Variants in CA8 observed in about 807,000 individuals in gnomAD.
CA8 encodes carbonic anhydrase 8 (inactive), also known as carbonic anhydrase-related protein.
A neutral mutation model predicts 41.4 loss-of-function variants in CA8; 22 were observed. The ratio of observed to expected loss-of-function variants is 0.53; its 90% CI spans 0.38 to 0.76. CA8 has a LOEUF of 0.76. CA8 is among the 30% of genes least tolerant of loss of function. The probability of loss-of-function intolerance (pLI) is 0.00; values close to 1 mark genes in which losing one functional copy is unlikely to be tolerated. For missense variants in CA8, 270 were observed against 352.8 expected (o/e 0.77, Z 1.88); for synonymous variants, 121 against 130.6 (o/e 0.93, Z 0.50).
At chr8:60,217,059 T>C (rs1197590546) in intron 7 of CA8, among the ~76,000 whole-genome samples, 2 of 152,020 alleles carry the variant, frequency 1.3e-5, no homozygotes, top group South Asian at 2.1e-4. Flanking sequence ...AATTTTTGTA[T>C]CTTTAGTAGA....
At chr8:60,265,876 T>C in intron 3 of CA8, 49 bp downstream of exon 3, 1 of 1,589,672 alleles carries the variant, frequency 6.3e-7, no homozygotes, top group Non-Finnish European at 8.6e-7. Flanking sequence ...AATCGCTGAA[T>C]ACTTTATTCA....
At chr8:60,253,348 T>A (rs80321949) in intron 3 of CA8, among the ~76,000 whole-genome samples, 1 of 151,090 alleles carries the variant, frequency 6.6e-6, no homozygotes, top group South Asian at 2.1e-4. Flanking sequence ...TCCAACTCCC[T>A]TTTTTTTCTA....
At chr8:60,244,894 G>C (rs1043900778) in intron 3 of CA8, among the ~76,000 whole-genome samples, 1 of 152,156 alleles carries the variant, frequency 6.6e-6, no homozygotes, top group Non-Finnish European at 1.5e-5. Context: ...ATAGGGGAAG[G>C]GGTACAGTGT....
In CA8 at chr8:60,226,915, G is replaced by T; in HGVS notation, c.534C>A (p.Gly178=). Residue 178 remains glycine, a synonymous_variant, in exon 5 of 9, where the codon GGC becomes GGA. Transcript: ENST00000317995. ...GGAGGATTTCAGTCACAGCCTTCAA[G>T]CCAACATGTTCCTTTCCTATCTGAA... is the stretch of plus-strand genomic sequence containing the variant. ...LFVQIGKEHV[G]LKAVTEILQD... 6.2e-7 allele frequency: 1 copy of T among 1,603,546 alleles called. No homozygotes were observed. The highest frequency in any genetic ancestry group is 8.5e-7 in the Non-Finnish European group (1 of 1,170,652).
At chr8:60,210,570 A>C (rs11998464) in intron 7 of CA8, among the ~76,000 whole-genome samples, 55,405 of 151,508 alleles carry the variant, frequency 0.37, 10,525 homozygotes, top group Admixed American at 0.44. Context: ...AATTAAACGG[A>C]TAGTTCAATT....
At chr8:60,213,907 A>G (rs1052974051) in intron 7 of CA8, among the ~76,000 whole-genome samples, 3 of 152,102 alleles carry the variant, frequency 2.0e-5, no homozygotes, top group African/African-American at 4.8e-5. Context: ...GCTGATCTCA[A>G]TTACATGTAA....
intron 8 of CA8, among the ~76,000 whole-genome samples, chr8:60,190,938 C>CTATA (rs35486936): frequency 4.3e-4 from 51 of 117,350 alleles, no homozygotes; most frequent in African/African-American, 1.2e-3. Flanking sequence ...CACACACACA[C>CTATA]TATATATATA....
At chr8:60,268,718 C>T (rs73247705) in intron 2 of CA8, among the ~76,000 whole-genome samples, 4,565 of 152,216 alleles carry the variant, frequency 0.03, 204 homozygotes, top group African/African-American at 0.1. Context: ...TTGATTTTGA[C>T]AAAACAGACA....
Position 60,267,338 on chromosome 8 carries a change from C to T in CA8, c.293-1289G>A, listed in dbSNP as rs563597031. Among the ~76,000 whole-genome samples, 13 of 152,298 alleles carry T rather than the reference C, an allele frequency of 8.5e-5. No individual in the cohort carries two copies. In the East Asian group the frequency reaches 2.3e-3, roughly 27 times the overall value. On this transcript the variant is annotated intron_variant, in intron 2 of 8. Coordinates refer to ENST00000317995, the MANE Select transcript of CA8 (RefSeq NM_004056.6). ...TTGATAAAGGTGCCCTACAAATCTA[C>T]TCCCAAGCTTTCTACCAGCTCAAAC...
At chr8:60,208,410 G>A in intron 8 of CA8, 1 of 311,264 alleles carries the variant, frequency 3.2e-6, no homozygotes, top group South Asian at 3.1e-5. Context: ...CATGACTGGT[G>A]CTGCTTCACG....
chr8:60,211,940 C>T (rs762208009), intron 7 of CA8, among the ~76,000 whole-genome samples: 3 of 152,184 alleles, frequency 2.0e-5, no homozygotes, highest in Non-Finnish European at 4.4e-5. Context: ...TAATGAAACT[C>T]AAATGTCAAG....
intron 7 of CA8, among the ~76,000 whole-genome samples, chr8:60,213,866 C>T (rs535255814): frequency 6.6e-6 from 1 of 152,114 alleles, no homozygotes; most frequent in African/African-American, 2.4e-5. Flanking sequence ...TCACACGCAC[C>T]TTCAGGACCT....
At chr8:60,213,995 C>T (rs1035472230) in intron 7 of CA8, among the ~76,000 whole-genome samples, 3 of 152,174 alleles carry the variant, frequency 2.0e-5, no homozygotes, top group African/African-American at 7.2e-5. Context: ...TCAGCAACTA[C>T]CCCAGACCTA....
intron 6 of CA8, among the ~76,000 whole-genome samples, chr8:60,223,402 C>T (rs1411688039): frequency 1.3e-5 from 2 of 152,140 alleles, no homozygotes; most frequent in African/African-American, 4.8e-5. Context: ...AAGCGATCAT[C>T]TCACCTCAGC....
intron 3 of CA8, among the ~76,000 whole-genome samples, chr8:60,233,802 T>C (rs922805284): frequency 2.0e-5 from 3 of 152,188 alleles, no homozygotes; most frequent in African/African-American, 7.2e-5. Flanking sequence ...GGCATTTTTT[T>C]AAACAAAACA....
intron 4 of CA8, among the ~76,000 whole-genome samples, chr8:60,228,180 G>C (rs1293753202): frequency 1.3e-5 from 2 of 152,164 alleles, no homozygotes; most frequent in African/African-American, 2.4e-5. Context: ...AGGCCAGTCA[G>C]CTCTAAACAA....
At chr8:60,195,039 C>A (rs967511257) in intron 8 of CA8, among the ~76,000 whole-genome samples, 1 of 152,082 alleles carries the variant, frequency 6.6e-6, no homozygotes, top group Non-Finnish European at 1.5e-5. Context: ...GGTAAAACCA[C>A]CTAAAGAAGT....
intron 3 of CA8, among the ~76,000 whole-genome samples, chr8:60,245,253 G>A (rs1808188238): frequency 6.6e-6 from 1 of 151,610 alleles, no homozygotes; most frequent in Non-Finnish European, 1.5e-5. Context: ...TATACATAAA[G>A]GCACATGTAA....
intron 7 of CA8, among the ~76,000 whole-genome samples, chr8:60,216,940 G>A (rs1391619787): frequency 6.6e-6 from 1 of 152,184 alleles, no homozygotes; most frequent in Non-Finnish European, 1.5e-5. Flanking sequence ...CTGGAGTGGA[G>A]TGGTACAGTC....
Sources: gnomAD v4.1 joint callset for allele counts (sites outside exome capture counted in the v4.1 genomes callset) on GRCh38, gnomAD v4.1.1 for gene constraint, MANE v1.5 for transcripts, NCBI Gene and HGNC (gene_info 2026-07-23, HGNC 2026-07-21) for gene names.